The following MAML3 variants were observed in gnomAD, a reference collection of about 807,000 sequenced individuals.
MAML3 encodes the protein mastermind like transcriptional coactivator 3.
Under a neutral mutation model 101.9 loss-of-function variants are expected in MAML3, and 27 were observed. The observed-to-expected ratio is 0.27, with a 90% CI of 0.20 to 0.37. MAML3 has a LOEUF of 0.37. Ranked by LOEUF, MAML3 falls within the 10% of genes least tolerant of loss-of-function variation. The probability of loss-of-function intolerance (pLI) is 1.00; values close to 1 mark genes in which losing one functional copy is unlikely to be tolerated. For missense variants in MAML3, 1,316 were observed against 1,444.9 expected, an observed-to-expected ratio of 0.91 and a Z score of 1.45; for synonymous variants, 501 against 555.9, an observed-to-expected ratio of 0.90 and a Z score of 1.39.
chr4:139,833,983 A>T (rs1415221801), intron 2 of MAML3, among the ~76,000 whole-genome samples: 2 of 152,182 alleles, frequency 1.3e-5, no homozygotes, highest in Admixed American at 1.3e-4. Flanking sequence ...CAGTGAAAGA[A>T]GGGGAAAAAT....
intron 1 of MAML3, among the ~76,000 whole-genome samples, chr4:140,028,916 C>T (rs1451937766): frequency 6.6e-6 from 1 of 152,224 alleles, no homozygotes; most frequent in African/African-American, 2.4e-5. Context: ...GATTTACTTT[C>T]AGCTTTCTCC....
At chr4:139,775,379 G>A (rs1353710677) in intron 2 of MAML3, among the ~76,000 whole-genome samples, 2 of 152,236 alleles carry the variant, frequency 1.3e-5, no homozygotes, top group Non-Finnish European at 2.9e-5. Flanking sequence ...TCAATAGAGC[G>A]CACCCTCTGT....
intron 1 of MAML3, among the ~76,000 whole-genome samples, chr4:140,086,433 A>G (rs1407701761): frequency 6.6e-6 from 1 of 152,234 alleles, no homozygotes; most frequent in Non-Finnish European, 1.5e-5. Flanking sequence ...AAATGCTTCA[A>G]GTGGTTTTAC....
At chr4:140,100,579 G>A (rs1728238105) in intron 1 of MAML3, among the ~76,000 whole-genome samples, 2 of 151,950 alleles carry the variant, frequency 1.3e-5, no homozygotes, top group South Asian at 4.1e-4. Flanking sequence ...AACGGAGCAA[G>A]CCATTCCCAA....
At chr4:140,152,607 C>T (rs1025131817) in intron 1 of MAML3, among the ~76,000 whole-genome samples, 1 of 151,842 alleles carries the variant, frequency 6.6e-6, no homozygotes, top group Non-Finnish European at 1.5e-5. Flanking sequence ...GCTCCCTCCG[C>T]CCCTCGCAGT....
intron 1 of MAML3, among the ~76,000 whole-genome samples, chr4:140,148,357 C>G (rs1729099186): frequency 6.6e-6 from 1 of 152,112 alleles, no homozygotes. Flanking sequence ...ATAAAATATA[C>G]CACAACCAAA....
At chr4:139,726,575 C>T (rs1728480825) in intron 3 of MAML3, among the ~76,000 whole-genome samples, 1 of 151,444 alleles carries the variant, frequency 6.6e-6, no homozygotes, top group Middle Eastern at 3.4e-3. Context: ...TTTTTAATGA[C>T]CTAAGTGGAT....
rs193139525 is a variant in MAML3 at position 140,134,691 on chromosome 4, G to T, written c.468+18169C>A. The T allele has an allele frequency of 6.8e-5, 18 of 266,218 alleles. No homozygotes were observed. The East Asian group carries it at 1.8e-3, about 27-fold the overall frequency. 16.5% of individuals were successfully genotyped at this position (266,218 alleles called of 1,614,324 possible). ...TAATGACATTTGTTCATGAGAAAAA[G>T]AAATTCGCTTGTCCCAGCACCATAA... On this transcript the variant is annotated intron_variant, in intron 1 of 4. Coordinates refer to ENST00000509479, the MANE Select transcript of MAML3 (RefSeq NM_018717.5).
At chr4:139,780,319 G>A (rs937170983) in intron 2 of MAML3, among the ~76,000 whole-genome samples, 1 of 152,084 alleles carries the variant, frequency 6.6e-6, no homozygotes, top group Non-Finnish European at 1.5e-5. Flanking sequence ...TTACCTTTGC[G>A]GTAAAGAAGA....
At position 139,890,048 on chromosome 4, in the gene MAML3, G is replaced by C; in HGVS notation, c.1388C>G (p.Ser463Cys). 6.2e-7 allele frequency: 1 copy of C among 1,608,472 alleles called. No homozygotes were observed. The highest frequency in any genetic ancestry group is 8.5e-7 in the Non-Finnish European group (1 of 1,177,130). Residue 463 changes from serine (S) to cysteine (C), a missense_variant, in exon 2 of 5, where the codon TCT (serine) becomes TGT (cysteine). Coordinates refer to ENST00000509479, the MANE Select transcript of MAML3 (RefSeq NM_018717.5). The surrounding 1 kb of genome is among the most constrained non-coding windows in gnomAD (Gnocchi z 4.1). ...GPVAVPSSDM[S>C]PAEQLKQMAA... The stretch of plus-strand genomic sequence containing the variant: ...CATCTGTTTGAGCTGTTCTGCTGGA[G>C]ACATGTCAGAGCTGGGCACAGCCAC...
chr4:140,131,218 C>T (rs534955323), intron 1 of MAML3, among the ~76,000 whole-genome samples: 10 of 152,288 alleles, frequency 6.6e-5, no homozygotes, highest in Admixed American at 4.6e-4. Context: ...GTACCAATAA[C>T]GCTATGCAAA....
intron 2 of MAML3, among the ~76,000 whole-genome samples, chr4:139,803,553 A>C (rs13104873): frequency 0.021 from 3,258 of 152,296 alleles, 65 homozygotes; most frequent in Middle Eastern, 0.058. Flanking sequence ...GAGAGGGCTA[A>C]TTAGCACAGG....
intron 4 of MAML3, among the ~76,000 whole-genome samples, chr4:139,725,164 T>C (rs890822134): frequency 2.2e-4 from 33 of 152,248 alleles, no homozygotes; most frequent in African/African-American, 7.9e-4. Flanking sequence ...TGCTACTAGG[T>C]CATGATTTAG....
chr4:139,964,492 A>G (rs1187860783), intron 1 of MAML3, among the ~76,000 whole-genome samples: 2 of 152,076 alleles, frequency 1.3e-5, no homozygotes, highest in Admixed American at 6.6e-5. Flanking sequence ...AGTGCAGCAA[A>G]CCACCACGGC....
intron 2 of MAML3, among the ~76,000 whole-genome samples, chr4:139,847,230 T>C (rs1427716710): frequency 6.6e-6 from 1 of 152,002 alleles, no homozygotes; most frequent in Non-Finnish European, 1.5e-5. Flanking sequence ...CAAACAAAAA[T>C]ATATATATGG....
chr4:139,788,455 T>C lies in MAML3; in HGVS notation c.2080-57788A>G, dbSNP rs953442391. On this transcript the variant is annotated intron_variant, in intron 2 of 4. Transcript: ENST00000509479. ...TGTCACATCCTGTCTCCAGTTCTTT[T>C]CTCCTCGCTGTCTCCAATCTCTTTC... Among the ~76,000 whole-genome samples the C allele has an allele frequency of 4.6e-5, 7 of 152,342 alleles. No homozygotes were observed. The East Asian group carries it at 9.6e-4, about 21-fold the overall frequency.
At chr4:140,125,621 T>C (rs78077048) in intron 1 of MAML3, among the ~76,000 whole-genome samples, 8,510 of 152,142 alleles carry the variant, frequency 0.056, 808 homozygotes, top group African/African-American at 0.19. Flanking sequence ...TTTTTGTCTG[T>C]CTCTTTGTTT....
chr4:140,048,424 T>C (rs1190962757), intron 1 of MAML3, among the ~76,000 whole-genome samples: 1 of 152,196 alleles, frequency 6.6e-6, no homozygotes, highest in East Asian at 1.9e-4. Context: ...GGCATAGAAC[T>C]GAAGAAAGTC....
chr4:140,129,924 C>G (rs576575170), intron 1 of MAML3, among the ~76,000 whole-genome samples: 1 of 150,626 alleles, frequency 6.6e-6, no homozygotes, highest in Admixed American at 6.6e-5. Flanking sequence ...AAGATTGTGC[C>G]ACTGCACTCC....
Sources: allele counts gnomAD v4.1 joint callset (sites outside exome capture counted in the v4.1 genomes callset), GRCh38; gene constraint gnomAD v4.1.1; non-coding constraint Gnocchi (gnomAD v3.1); transcripts MANE v1.5; gene names NCBI Gene and HGNC (gene_info 2026-07-23, HGNC 2026-07-21).